The following IRX5 variants were observed in gnomAD, a reference collection of about 807,000 sequenced individuals.
IRX5 encodes the protein iroquois-class homeodomain protein IRX-5.
Under a neutral mutation model 37.6 loss-of-function variants are expected in IRX5, and 8 were observed. The observed-to-expected ratio is 0.21, with a 90% CI of 0.12 to 0.38. IRX5 has a LOEUF of 0.38. IRX5 is among the 10% of genes least tolerant of loss of function. The pLI is 1.00. For synonymous variants in IRX5, 359 were observed against 328.6 expected, an observed-to-expected ratio of 1.09 and a Z score of -1.00; for missense variants, 635 against 695.2, an observed-to-expected ratio of 0.91 and a Z score of 0.97.
chr16:54,933,295 C>A lies in IRX5; in HGVS notation c.874C>A (p.Pro292Thr). The A allele has an allele frequency of 1.4e-6, 2 of 1,397,196 alleles. No individual in the cohort carries two copies. Among genetic ancestry groups the A allele is most frequent in the East Asian group, 3.1e-5 (1 of 32,780 alleles). 86.5% of individuals were successfully genotyped at this position (1,397,196 alleles called of 1,614,324 possible). The change falls in exon 3 of 3, where the codon CCC (proline) becomes ACC (threonine). Residue 292 changes from proline to threonine, a missense_variant. Coordinates refer to ENST00000394636, the MANE Select transcript of IRX5 (RefSeq NM_005853.6). ...GGCGGAGGACCCGGCCCCTCACTAC[C>A]CCGCCGGAGCGCCGGCGCCCGGCCC... Reference protein sequence around the residue: ...RLAEDPAPHYPAGAPAPGPHP... With the variant: ...RLAEDPAPHYTAGAPAPGPHP...
In IRX5 at chr16:54,933,104, G is replaced by A. The variant is rs1044973978; in HGVS notation, c.683G>A (p.Gly228Asp). Residue 228 changes from glycine (G) to aspartate (D), a missense_variant, in exon 3 of 3, where the codon GGC becomes GAC. By Grantham distance (94) the Gly-to-Asp change is moderately conservative. This residue lies in a region of IRX5 where 244 missense variants were observed against 205.4 expected (regional missense o/e 1.19). Transcript: ENST00000394636. Reference sequence around the variant, plus strand: ...GGAGCTGAGCAGAAGGCGGCTTCGGGCTGCGAACGGCTTCAGGGACCACCC... The same window carrying A: ...GGAGCTGAGCAGAAGGCGGCTTCGGACTGCGAACGGCTTCAGGGACCACCC... ...AGGAEQKAAS[G>D]CERLQGPPTP... 1.9e-6 allele frequency: 3 copies of A among 1,590,178 alleles called. No individual in the cohort carries two copies. Among genetic ancestry groups the A allele is most frequent in the Non-Finnish European group, 2.6e-6 (3 of 1,173,894 alleles).
rs764695107 is a variant in IRX5, at chr16:54,932,950, AAG to A, written c.655+52_655+53del. On this transcript the variant is annotated intron_variant, in intron 2 of 2. Transcript: ENST00000394636. This position sits in a 1 kb window ranked among gnomAD's most constrained non-coding sequence, Gnocchi z 6.7. ...CGTGTTGGGCGGGAGTAAAAAGGAAAAGAGAGGCCTGGAGGGGGCGCGCACGG... is the reference window on the plus strand; with the variant it reads ...CGTGTTGGGCGGGAGTAAAAAGGAAAAGAGGCCTGGAGGGGGCGCGCACGG... 2 of 1,585,284 alleles carry A rather than the reference AAG, an allele frequency of 1.3e-6. No individual in the cohort carries two copies. Among genetic ancestry groups the A allele is most frequent in the African/African-American group, 1.4e-5 (1 of 73,388 alleles).
In IRX5 at chr16:54,931,340, T is replaced by A; in HGVS notation, c.142T>A (p.Tyr48Asn). The change falls in exon 1 of 3, where the codon TAC becomes AAC. Residue 48 changes from tyrosine to asparagine, a missense_variant. Physicochemically the swap from Tyr to Asn is moderately radical, Grantham distance 143. Coordinates refer to ENST00000394636, the MANE Select transcript of IRX5 (RefSeq NM_005853.6). The part of the protein sequence containing the change: ...RSSSGSAFSP[Y>N]AGSTAFTAPS... The stretch of plus-strand genomic sequence containing the variant: ...TTCTTCGGGCTCCGCGTTCTCGCCC[T>A]ACGCTGGCTCGACTGCCTTCACGGC... The A allele has an allele frequency of 1.2e-6, 2 of 1,610,546 alleles. No homozygotes were observed. Among genetic ancestry groups the A allele is most frequent in the Non-Finnish European group, 1.7e-6 (2 of 1,179,574 alleles).
chr16:54,931,074 G>T lies in IRX5; in HGVS notation c.-125G>T, dbSNP rs2142351519. 1 of 641,536 alleles carries T rather than the reference G, an allele frequency of 1.6e-6. No homozygotes were observed. The highest frequency in any genetic ancestry group is 2.0e-6 in the Non-Finnish European group (1 of 506,836). 39.7% of individuals were successfully genotyped at this position (641,536 alleles called of 1,614,324 possible). On this transcript the variant is annotated 5_prime_UTR_variant, in exon 1 of 3. Coordinates refer to ENST00000394636, the MANE Select transcript of IRX5 (RefSeq NM_005853.6). ...AGGCGCCGCGGGCCGGAGCCCCGGA[G>T]CCGGGGCCAGAGGAGCGGCGGCCCA...
At position 54,932,418 on chromosome 16, in the gene IRX5, G is replaced by T. The variant is rs532163324; in HGVS notation, c.250-80G>T. 7.4e-6 allele frequency: 11 copies of T among 1,478,356 alleles called. No individual in the cohort carries two copies. The highest frequency in any genetic ancestry group is 2.3e-5 in the East Asian group (1 of 43,802). The allele number at this position is 1,478,356 out of a possible 1,614,324, so 91.6% of individuals were successfully genotyped here. A position where few individuals can be genotyped will look rare whatever the true frequency, so the allele number is the denominator to read the frequency against. ...CGTCCACCCACAGACCCCGGGGAGC[G>T]CAGGGAAAAGGGTGCTTCGGTCGTT... On this transcript the variant is annotated intron_variant, in intron 1 of 2. Coordinates refer to ENST00000394636, the MANE Select transcript of IRX5 (RefSeq NM_005853.6). The surrounding 1 kb of genome is among the most constrained non-coding windows in gnomAD (Gnocchi z 6.7).
chr16:54,934,338 A>C lies in IRX5; in HGVS notation c.*465A>C, dbSNP rs529312321. 6.5e-6 allele frequency: 1 copy of C among 152,902 alleles called. No homozygotes were observed. Among genetic ancestry groups the C allele is most frequent in the South Asian group, 2.1e-4 (1 of 4,834 alleles). 9.5% of individuals were successfully genotyped at this position (152,902 alleles called of 1,614,324 possible). On this transcript the variant is annotated 3_prime_UTR_variant, in exon 3 of 3. Transcript: ENST00000394636. Reference sequence around the variant, plus strand: ...AGCTAAAGTATTACAGAAAGGAAACAGGTTATACTCTTAGATTTAAAAAGT... The same window carrying C: ...AGCTAAAGTATTACAGAAAGGAAACCGGTTATACTCTTAGATTTAAAAAGT...
Position 54,931,549 on chromosome 16 carries a change from C to G in IRX5, c.249+102C>G, listed in dbSNP as rs1202333885. On this transcript the variant is annotated intron_variant, in intron 1 of 2. Transcript: ENST00000394636. Reference sequence around the variant, plus strand: ...CCTAGGCGCCAACACCGACCTCCCCCGCCAAGCTTCGCGGCCCCTTCAAAC... The same window carrying G: ...CCTAGGCGCCAACACCGACCTCCCCGGCCAAGCTTCGCGGCCCCTTCAAAC... 126 of 1,381,060 alleles carry G rather than the reference C, an allele frequency of 9.1e-5. 1 individual carries two copies. In the South Asian group the frequency reaches 1.8e-3, roughly 19 times the overall value. 85.6% of individuals were successfully genotyped at this position (1,381,060 alleles called of 1,614,324 possible).
rs1310820898 is a variant in IRX5 at position 54,934,375 on chromosome 16, C to T, written c.*502C>T. ...TAGATTTAAAAAGTGAAAGAAACTGCAGGCGCCTTTGTAAAATGCAAAATA... is the reference window on the plus strand; with the variant it reads ...TAGATTTAAAAAGTGAAAGAAACTGTAGGCGCCTTTGTAAAATGCAAAATA... On this transcript the variant is annotated 3_prime_UTR_variant, in exon 3 of 3. Coordinates refer to ENST00000394636, the MANE Select transcript of IRX5 (RefSeq NM_005853.6). 6.6e-6 allele frequency: 1 copy of T among 152,654 alleles called. No individual in the cohort carries two copies. The highest frequency in any genetic ancestry group is 1.5e-5 in the Non-Finnish European group (1 of 68,068). 9.5% of individuals were successfully genotyped at this position (152,654 alleles called of 1,614,324 possible). A position where few individuals can be genotyped will look rare whatever the true frequency, so the allele number is the denominator to read the frequency against.
chr16:54,931,312 C>T lies in IRX5; in HGVS notation c.114C>T (p.Arg38=). Residue 38 remains arginine (R), a synonymous_variant, in exon 1 of 3, where the codon CGC becomes CGT. Transcript: ENST00000394636. The part of the protein sequence containing the change: ...ISGPRTDELG[R]SSSGSAFSPY... ...GGCCCCGCACGGATGAGCTCGGCCG[C>T]TCTTCTTCGGGCTCCGCGTTCTCGC... 1 of 1,612,262 alleles carries T rather than the reference C, an allele frequency of 6.2e-7. No homozygotes were observed. Among genetic ancestry groups the T allele is most frequent in the Non-Finnish European group, 8.5e-7 (1 of 1,179,642 alleles).
Position 54,933,653 on chromosome 16 carries a change from G to A in IRX5, c.1232G>A (p.Gly411Asp), listed in dbSNP as rs200394212. The A allele has an allele frequency of 6.2e-6, 10 of 1,611,618 alleles. No homozygotes were observed. The highest frequency in any genetic ancestry group is 8.5e-6 in the Non-Finnish European group (10 of 1,178,296). The change falls in exon 3 of 3, where the codon GGC (glycine) becomes GAC (aspartate). Residue 411 changes from glycine to aspartate, a missense_variant. By Grantham distance (94) the Gly-to-Asp change is moderately conservative (BLOSUM62 -1). Around this residue, in one of 5 missense-constraint regions of IRX5, gnomAD observed 188 missense variants for 200.8 expected, o/e 0.94. Transcript: ENST00000394636. ...TACTACACCGCGCCCTTCTATCCCG[G>A]CTACACGAACTATGGCTCCTTCGGA... The part of the protein sequence containing the change: ...PLYYTAPFYP[G>D]YTNYGSFGHL...
Position 54,933,289 on chromosome 16 carries a change from C to A in IRX5, c.868C>A (p.His290Asn). ...GCGGCTGGCGGAGGACCCGGCCCCTCACTACCCCGCCGGAGCGCCGGCGCC... is the reference window on the plus strand; with the variant it reads ...GCGGCTGGCGGAGGACCCGGCCCCTAACTACCCCGCCGGAGCGCCGGCGCC... ...AARLAEDPAPHYPAGAPAPGP... is the reference protein window; with the variant it reads ...AARLAEDPAPNYPAGAPAPGP... The change falls in exon 3 of 3, where the codon CAC (histidine) becomes AAC (asparagine). Residue 290 changes from histidine (H) to asparagine (N), a missense_variant. Around this residue, in one of 5 missense-constraint regions of IRX5, gnomAD observed 244 missense variants for 205.4 expected, o/e 1.19. Transcript: ENST00000394636. The A allele has an allele frequency of 7.2e-7, 1 of 1,388,472 alleles. No individual in the cohort carries two copies. Among genetic ancestry groups the A allele is most frequent in the Non-Finnish European group, 9.3e-7 (1 of 1,079,400 alleles). The allele number at this position is 1,388,472 out of a possible 1,614,324, so 86.0% of individuals were successfully genotyped here.
rs115549200 is a variant in IRX5, at chr16:54,933,128, C to T, written c.707C>T (p.Pro236Leu). The T allele has an allele frequency of 7.5e-3, 11,909 of 1,586,990 alleles. 156 individuals carry two copies. Among genetic ancestry groups the T allele is most frequent in the African/African-American group, 0.057 (4,242 of 74,706 alleles). The change falls in exon 3 of 3, where the codon CCC becomes CTC. Residue 236 changes from proline (P) to leucine (L), a missense_variant. Pro to Leu is a moderately conservative substitution (Grantham distance 98). Coordinates refer to ENST00000394636, the MANE Select transcript of IRX5 (RefSeq NM_005853.6). ...ASGCERLQGP[P>L]TPAGKETEGS... ...GGCTGCGAACGGCTTCAGGGACCAC[C>T]CACCCCTGCAGGCAAGGAGACGGAG...
intron 1 of IRX5, 83 bp downstream of exon 1, chr16:54,931,530 C>A: frequency 7.0e-7 from 1 of 1,421,290 alleles, no homozygotes; most frequent in Non-Finnish European, 9.2e-7. Context: ...CGGGCCTAGG[C>A]GCCAACACCG....
rs757463623 is a variant in IRX5, at chr16:54,933,198, C to T, written c.777C>T (p.Gly259=). The T allele has an allele frequency of 2.7e-5, 42 of 1,538,120 alleles. No individual in the cohort carries two copies. In the East Asian group the frequency reaches 6.3e-4, roughly 23 times the overall value. Residue 259 remains glycine (G), a synonymous_variant, in exon 3 of 3, where the codon GGC becomes GGT. Transcript: ENST00000394636. ...DSDFKEPPSE[G]RLDALQGPPR... ...ATTTTAAGGAGCCGCCCTCGGAGGG[C>T]CGCCTCGACGCGCTGCAGGGCCCCC...
rs1963912030 is a variant in IRX5, at chr16:54,932,564, C to G, written c.316C>G (p.Leu106Val). 1 of 1,614,014 alleles carries G rather than the reference C, an allele frequency of 6.2e-7. No homozygotes were observed. The highest frequency in any genetic ancestry group is 1.7e-5 in the Admixed American group (1 of 60,010). The change falls in exon 2 of 3, where the codon CTG (leucine) becomes GTG (valine). Residue 106 changes from leucine to valine, a missense_variant. Transcript: ENST00000394636. The surrounding 1 kb of genome is among the most constrained non-coding windows in gnomAD (Gnocchi z 6.7). Reference sequence around the variant, plus strand: ...GGGGTACCATCCTTACGCGGCGCCCCTGGGATCGTACCCTTACGGGGACCC... The same window carrying G: ...GGGGTACCATCCTTACGCGGCGCCCGTGGGATCGTACCCTTACGGGGACCC... ...SLGYHPYAAPLGSYPYGDPAY... is the reference protein window; with the variant it reads ...SLGYHPYAAPVGSYPYGDPAY...
Position 54,932,113 on chromosome 16 carries a change from G to A in IRX5, c.250-385G>A, listed in dbSNP as rs1300835993. 5.7e-6 allele frequency: 4 copies of A among 702,724 alleles called. No individual in the cohort carries two copies. In the African/African-American group the frequency reaches 7.0e-5, roughly 12 times the overall value. The allele number at this position is 702,724 out of a possible 1,614,324, so 43.5% of individuals were successfully genotyped here. On this transcript the variant is annotated intron_variant, in intron 1 of 2. Transcript: ENST00000394636. The surrounding 1 kb of genome is among the most constrained non-coding windows in gnomAD (Gnocchi z 6.7). ...CTTGTTTTCCCCCCTTGCGCCCAAC[G>A]TGCGTCCGCTCCCCCGCCGAGCGCG...
rs781005718 is a variant in IRX5 at position 54,932,522 on chromosome 16, G to A, written c.274G>A (p.Gly92Ser). The change falls in exon 2 of 3, where the codon GGC (glycine) becomes AGC (serine). Residue 92 changes from glycine to serine, a missense_variant. Physicochemically the swap from Gly to Ser is moderately conservative, Grantham distance 56. Coordinates refer to ENST00000394636, the MANE Select transcript of IRX5 (RefSeq NM_005853.6). This position sits in a 1 kb window ranked among gnomAD's most constrained non-coding sequence, Gnocchi z 6.7. ...YVGSPYDHTP[G>S]MAGSLGYHPY... is the part of the protein sequence containing the mutation. Reference sequence around the variant, plus strand: ...GGGCTCTCCCTACGACCACACACCCGGCATGGCGGGCTCCTTGGGGTACCA... The same window carrying A: ...GGGCTCTCCCTACGACCACACACCCAGCATGGCGGGCTCCTTGGGGTACCA... 6.2e-7 allele frequency: 1 copy of A among 1,612,644 alleles called. No individual in the cohort carries two copies. The highest frequency in any genetic ancestry group is 2.2e-5 in the East Asian group (1 of 44,828).
intron 1 of IRX5, 126 bp downstream of exon 1, chr16:54,931,573 A>G: frequency 7.7e-7 from 1 of 1,299,044 alleles, no homozygotes; most frequent in Non-Finnish European, 1.0e-6. Context: ...GCCCCTTCAA[A>G]CTTGGGCGAT....
In IRX5 at chr16:54,932,474, C is replaced by CA; in HGVS notation, c.250-23dup. ...GGCAGTGGAGACCACGGTCCACACT[C>CA]ACCTCTCTGCGTCTCCACCGCAGGG... On this transcript the variant is annotated intron_variant, in intron 1 of 2. Coordinates refer to ENST00000394636, the MANE Select transcript of IRX5 (RefSeq NM_005853.6). This position sits in a 1 kb window ranked among gnomAD's most constrained non-coding sequence, Gnocchi z 6.7. 6.3e-7 allele frequency: 1 copy of CA among 1,588,188 alleles called. No individual in the cohort carries two copies. Among genetic ancestry groups the CA allele is most frequent in the Non-Finnish European group, 8.6e-7 (1 of 1,166,102 alleles).
Sources: allele counts gnomAD v4.1 joint callset, GRCh38; gene constraint gnomAD v4.1.1; regional missense constraint gnomAD v4.1.1; non-coding constraint Gnocchi (gnomAD v3.1); transcripts MANE v1.5; gene names NCBI Gene and HGNC (gene_info 2026-07-23, HGNC 2026-07-21).